Variants in SMYD3 observed in about 807,000 individuals in gnomAD.
SMYD3 encodes histone-lysine N-methyltransferase SMYD3.
A neutral mutation model predicts 57.7 loss-of-function variants in SMYD3; 36 were observed. The ratio of observed to expected loss-of-function variants is 0.62; its 90% CI spans 0.48 to 0.82. SMYD3 has a LOEUF of 0.82. SMYD3 is among the 40% of genes least tolerant of loss of function. The pLI is 0.00. For synonymous variants in SMYD3, 211 were observed against 195.0 expected (o/e 1.08, Z -0.68); for missense variants, 515 against 538.8 (o/e 0.96, Z 0.44).
At chr1:245,824,787 T>C (rs1478468510) in intron 10 of SMYD3, among the ~76,000 whole-genome samples, 1 of 145,096 alleles carries the variant, frequency 6.9e-6, no homozygotes, top group Non-Finnish European at 1.5e-5. Context: ...ACCCAGGAGA[T>C]GGAGGTTGCA....
intron 5 of SMYD3, among the ~76,000 whole-genome samples, chr1:245,956,747 C>T (rs57776459): frequency 0.13 from 19,703 of 152,174 alleles, 1,612 homozygotes; most frequent in East Asian, 0.41. Flanking sequence ...GTGGTAAAAA[C>T]TGACTTCTTG....
chr1:246,284,414 C>T (rs1430965635), intron 5 of SMYD3, among the ~76,000 whole-genome samples: 1 of 133,242 alleles, frequency 7.5e-6, no homozygotes, highest in Non-Finnish European at 1.6e-5. Context: ...TAATTCTTTT[C>T]TTTTTCTTTT....
intron 5 of SMYD3, among the ~76,000 whole-genome samples, chr1:246,311,931 C>T (rs555676790): frequency 3.9e-5 from 6 of 152,186 alleles, no homozygotes; most frequent in Non-Finnish European, 8.8e-5. Context: ...ACTGGCAATG[C>T]AACAATGGGA....
intron 5 of SMYD3, among the ~76,000 whole-genome samples, chr1:246,131,598 G>A (rs1355134360): frequency 6.6e-6 from 1 of 152,204 alleles, no homozygotes; most frequent in African/African-American, 2.4e-5. Flanking sequence ...GGGGCACATT[G>A]AGAGACAGAA....
At chr1:246,249,024 C>T (rs545103900) in intron 5 of SMYD3, among the ~76,000 whole-genome samples, 115 of 151,770 alleles carry the variant, frequency 7.6e-4, no homozygotes, top group African/African-American at 2.3e-3. Flanking sequence ...GAACAAGATG[C>T]GAAAACTACA....
At chr1:245,820,511 C>G (rs919248029) in intron 10 of SMYD3, among the ~76,000 whole-genome samples, 2 of 148,476 alleles carry the variant, frequency 1.3e-5, no homozygotes, top group Non-Finnish European at 3.0e-5. Context: ...TCTCTCACCA[C>G]TCCTATTCAA....
rs2056608825 is a variant in SMYD3 at position 245,929,861 on chromosome 1, A to G, written c.599+9T>C. The G allele has an allele frequency of 6.2e-7, 1 of 1,607,814 alleles. No homozygotes were observed. The highest frequency in any genetic ancestry group is 8.5e-7 in the Non-Finnish European group (1 of 1,174,314). Reference sequence around the variant, plus strand: ...TGTCTTCCAGTACATGAAGTACCATACACCATACCTGGGATATAGGCCAAC... The same window carrying G: ...TGTCTTCCAGTACATGAAGTACCATGCACCATACCTGGGATATAGGCCAAC... On this transcript the variant is annotated intron_variant, in intron 6 of 11. Coordinates refer to ENST00000490107, the MANE Select transcript of SMYD3 (RefSeq NM_001167740.2).
At chr1:245,841,151 A>G (rs942161840) in intron 10 of SMYD3, among the ~76,000 whole-genome samples, 2 of 152,230 alleles carry the variant, frequency 1.3e-5, no homozygotes, top group African/African-American at 2.4e-5. Context: ...CTGAAAGACC[A>G]ATTTGATGAA....
At chr1:245,997,776 A>G (rs2058961294) in intron 5 of SMYD3, among the ~76,000 whole-genome samples, 1 of 152,196 alleles carries the variant, frequency 6.6e-6, no homozygotes, top group Non-Finnish European at 1.5e-5. Flanking sequence ...CTTTAGGACA[A>G]AGGGGGAAGG....
intron 1 of SMYD3, among the ~76,000 whole-genome samples, chr1:246,480,693 T>C (rs924376482): frequency 6.6e-6 from 1 of 152,210 alleles, no homozygotes; most frequent in Non-Finnish European, 1.5e-5. Flanking sequence ...GAAAACATAG[T>C]AATCAATCCC....
chr1:246,263,349 C>CAATAT (rs1202099902), intron 5 of SMYD3, among the ~76,000 whole-genome samples: 16,160 of 151,970 alleles, frequency 0.11, 1,545 homozygotes, highest in African/African-American at 0.24. Flanking sequence ...TGTATGTGAC[C>CAATAT]TGGGCACATA....
At chr1:246,282,636 T>C (rs1344700810) in intron 5 of SMYD3, among the ~76,000 whole-genome samples, 1 of 152,126 alleles carries the variant, frequency 6.6e-6, no homozygotes, top group African/African-American at 2.4e-5. Flanking sequence ...TTCAGACAGA[T>C]GAAGATAAAT....
Position 245,905,883 on chromosome 1 carries a change from A to G in SMYD3, c.813+9647T>C, listed in dbSNP as rs575922200. On this transcript the variant is annotated intron_variant, in intron 8 of 11. Coordinates refer to ENST00000490107, the MANE Select transcript of SMYD3 (RefSeq NM_001167740.2). ...TGAACTAATTTTTGATAAAAGTGCC[A>G]AGAACATAGAAAAGACAGTCTCTTC... 1.6e-4 allele frequency among the ~76,000 whole-genome samples: 24 copies of G among 152,374 alleles called. No individual in the cohort carries two copies. In the South Asian group the frequency reaches 5.0e-3, roughly 32 times the overall value.
At chr1:246,232,183 G>A (rs890316543) in intron 5 of SMYD3, among the ~76,000 whole-genome samples, 3 of 151,962 alleles carry the variant, frequency 2.0e-5, no homozygotes, top group African/African-American at 7.3e-5. Context: ...TTACTCAGTG[G>A]TTAGGGGGTT....
In SMYD3 at chr1:245,947,485, T is replaced by A. The variant is rs905051886; in HGVS notation, c.532-17548A>T. The stretch of plus-strand genomic sequence containing the variant: ...CCCCATGTCACCGTATTTTAAAACA[T>A]CAGGGATTCAGTTGCTTTATGTGGG... On this transcript the variant is annotated intron_variant, in intron 5 of 11. Coordinates refer to ENST00000490107, the MANE Select transcript of SMYD3 (RefSeq NM_001167740.2). The A allele has an allele frequency of 1.7e-4, 76 of 453,866 alleles. 1 individual carries two copies. Among genetic ancestry groups the A allele is most frequent in the African/African-American group, 1.4e-3 (68 of 49,976 alleles). 28.1% of individuals were successfully genotyped at this position (453,866 alleles called of 1,614,324 possible).
chr1:245,844,408 ATATGT>A (rs532404837), intron 10 of SMYD3, among the ~76,000 whole-genome samples: 134 of 152,310 alleles, frequency 8.8e-4, no homozygotes, highest in African/African-American at 2.9e-3. Flanking sequence ...CCCCCCAGAT[ATATGT>A]TATGATTTTT....
At chr1:245,796,301 T>C (rs919634473) in intron 10 of SMYD3, among the ~76,000 whole-genome samples, 4 of 152,170 alleles carry the variant, frequency 2.6e-5, no homozygotes, top group Non-Finnish European at 4.4e-5. Context: ...TGGGACGAAT[T>C]GGGATGATGA....
chr1:246,273,638 G>A (rs545357974), intron 5 of SMYD3, among the ~76,000 whole-genome samples: 2 of 141,880 alleles, frequency 1.4e-5, no homozygotes, highest in East Asian at 2.1e-4. Context: ...AGGTGGGAGT[G>A]CAGTGGCACG....
Position 246,239,899 on chromosome 1 carries a change from C to T in SMYD3, c.531+87302G>A, listed in dbSNP as rs188262937. Among the ~76,000 whole-genome samples, 1,250 of 152,210 alleles carry T rather than the reference C, an allele frequency of 8.2e-3. 10 individuals are homozygous for T. The highest frequency in any genetic ancestry group is 0.016 in the South Asian group (76 of 4,822). The stretch of plus-strand genomic sequence containing the variant: ...TGCATAAATGTCTTCTTTTGAGAAG[C>T]GTCTGTTCATATCCTTTGCCAACTT... On this transcript the variant is annotated intron_variant, in intron 5 of 11. Coordinates refer to ENST00000490107, the MANE Select transcript of SMYD3 (RefSeq NM_001167740.2).
Sources: allele counts gnomAD v4.1 joint callset (sites outside exome capture counted in the v4.1 genomes callset), GRCh38; gene constraint gnomAD v4.1.1; transcripts MANE v1.5; gene names NCBI Gene and HGNC (gene_info 2026-07-23, HGNC 2026-07-21).